The following C13orf42 variants were observed in gnomAD, a reference collection of about 807,000 sequenced individuals.
C13orf42 encodes uncharacterized protein C13orf42.
chr13:51,111,635 C>G (rs146520619), upstream of C13orf42, among the ~76,000 whole-genome samples: 10 of 152,302 alleles, frequency 6.6e-5, no homozygotes, highest in East Asian at 1.9e-3. Flanking sequence ...TTGAGTTGAT[C>G]TTGGTGTGAA....
chr13:51,146,565 G>A (rs1042338916), intron 1 of C13orf42, among the ~76,000 whole-genome samples: 2 of 152,200 alleles, frequency 1.3e-5, no homozygotes, highest in Admixed American at 6.5e-5. Context: ...GGAGACATGA[G>A]ACATCAATCA....
intron 1 of C13orf42, among the ~76,000 whole-genome samples, chr13:51,117,627 G>A (rs1953502150): frequency 6.6e-6 from 1 of 150,486 alleles, no homozygotes; most frequent in Non-Finnish European, 1.5e-5. Context: ...TAAAATATCT[G>A]CGGTCCAGTA....
At chr13:51,127,759 G>A (rs1476018621) in intron 1 of C13orf42, among the ~76,000 whole-genome samples, 3 of 152,100 alleles carry the variant, frequency 2.0e-5, no homozygotes, top group Admixed American at 1.3e-4. Flanking sequence ...TAAGTGAAAT[G>A]AGCCAGGCAC....
At chr13:51,132,997 AG>A (rs1434117339) in intron 1 of C13orf42, among the ~76,000 whole-genome samples, 1 of 152,182 alleles carries the variant, frequency 6.6e-6, no homozygotes, top group African/African-American at 2.4e-5. Flanking sequence ...TGGCAACATC[AG>A]GAAGTTATAC....
intron 1 of C13orf42, among the ~76,000 whole-genome samples, chr13:51,150,803 G>A (rs1953772783): frequency 6.6e-6 from 1 of 152,226 alleles, no homozygotes; most frequent in African/African-American, 2.4e-5. Flanking sequence ...AGCACTTGCT[G>A]AGGTAAACTG....
chr13:51,122,681 A>C (rs1350284999), intron 1 of C13orf42, among the ~76,000 whole-genome samples: 2 of 152,192 alleles, frequency 1.3e-5, no homozygotes, highest in Non-Finnish European at 2.9e-5. Flanking sequence ...GCCCACTACA[A>C]GTAGATTTGA....
chr13:51,122,960 A>G (rs1452996559), intron 1 of C13orf42, among the ~76,000 whole-genome samples: 1 of 152,128 alleles, frequency 6.6e-6, no homozygotes, highest in Non-Finnish European at 1.5e-5. Context: ...ACAATGGGGG[A>G]GAAAGGAGAT....
intron 1 of C13orf42, among the ~76,000 whole-genome samples, chr13:51,164,027 G>C (rs1953886630): frequency 6.6e-6 from 1 of 152,104 alleles, no homozygotes; most frequent in African/African-American, 2.4e-5. Flanking sequence ...AGAAAAACAG[G>C]GGCAAAGAGT....
At chr13:51,107,780 C>T (rs1255990676) in intron 1 of C13orf42, among the ~76,000 whole-genome samples, 1 of 152,224 alleles carries the variant, frequency 6.6e-6, no homozygotes, top group Non-Finnish European at 1.5e-5. Flanking sequence ...GCTTCAAGCT[C>T]ACCAAGTTCA....
chr13:51,136,530 GC>G (rs1203068978), intron 1 of C13orf42, among the ~76,000 whole-genome samples: 1 of 152,222 alleles, frequency 6.6e-6, no homozygotes, highest in Non-Finnish European at 1.5e-5. Context: ...CTAAAGTGCA[GC>G]CCCCATGGGA....
intron 1 of C13orf42, among the ~76,000 whole-genome samples, chr13:51,156,983 T>C (rs1420636954): frequency 1.3e-5 from 2 of 152,234 alleles, no homozygotes; most frequent in East Asian, 1.9e-4. Context: ...GCTTTTTCTA[T>C]AGTTATTTAA....
intron 1 of C13orf42, among the ~76,000 whole-genome samples, chr13:51,165,320 C>T (rs1249355571): frequency 6.6e-6 from 1 of 152,210 alleles, no homozygotes; most frequent in Non-Finnish European, 1.5e-5. Context: ...TCAGGCTCTC[C>T]ACTGTTTCTA....
intron 1 of C13orf42, among the ~76,000 whole-genome samples, chr13:51,132,486 CT>C (rs371201530): frequency 6.6e-6 from 1 of 152,036 alleles, no homozygotes; most frequent in Non-Finnish European, 1.5e-5. Context: ...AAATTAAACA[CT>C]TATTCATCTT....
chr13:51,094,581 C>T (rs993096026), intron 1 of C13orf42, among the ~76,000 whole-genome samples: 2 of 152,282 alleles, frequency 1.3e-5, no homozygotes, highest in East Asian at 3.9e-4. Flanking sequence ...TCCTCCTCAC[C>T]TCTTTGTGTG....
At chr13:51,122,538 GAAAAA>G in intron 1 of C13orf42, among the ~76,000 whole-genome samples, 1 of 81,554 alleles carries the variant, frequency 1.2e-5, no homozygotes, top group South Asian at 4.2e-4. Context: ...GTTCCAAAAA[GAAAAA>G]AAAAAAAAAG....
chr13:51,114,652 AG>A (rs1566130387), upstream of C13orf42, among the ~76,000 whole-genome samples: 1 of 60,142 alleles, frequency 1.7e-5, no homozygotes, highest in African/African-American at 7.3e-5. Flanking sequence ...AGATAGAGAT[AG>A]ACAGACAGAC....
At chr13:51,166,521 C>T (rs1340446330) in intron 1 of C13orf42, among the ~76,000 whole-genome samples, 1 of 146,776 alleles carries the variant, frequency 6.8e-6, no homozygotes, top group Non-Finnish European at 1.5e-5. Context: ...TGCAGCACAC[C>T]AGCATGGCAC....
chr13:51,146,790 T>A (rs1223387422), intron 1 of C13orf42, among the ~76,000 whole-genome samples: 1 of 152,218 alleles, frequency 6.6e-6, no homozygotes, highest in Non-Finnish European at 1.5e-5. Flanking sequence ...GGAGGTGGGT[T>A]TGCCCTAAGC....
intron 1 of C13orf42, among the ~76,000 whole-genome samples, chr13:51,150,300 A>G (rs1038993144): frequency 1.6e-4 from 24 of 152,206 alleles, no homozygotes; most frequent in Non-Finnish European, 1.5e-5. Context: ...TGGTCATTGT[A>G]TGTCACAATT....
Sources: gnomAD v4.1 joint callset for allele counts (sites outside exome capture counted in the v4.1 genomes callset) on GRCh38, gnomAD v4.1.1 for gene constraint, MANE v1.5 for transcripts, NCBI Gene and HGNC (gene_info 2026-07-23, HGNC 2026-07-21) for gene names.